Variants in PPP1R11 observed in about 807,000 individuals in gnomAD.
PPP1R11 encodes E3 ubiquitin-protein ligase PPP1R11.
In PPP1R11, 10 loss-of-function variants were observed where a neutral mutation model predicts 11.3. The ratio of observed to expected loss-of-function variants is 0.88; its 90% CI spans 0.55 to 1.50. The LOEUF (loss-of-function observed/expected upper bound fraction) is 1.50. Ranked by LOEUF, PPP1R11 falls within the 40% of genes most tolerant of loss-of-function variation. The probability of loss-of-function intolerance (pLI) is 0.00; values close to 1 mark genes in which losing one functional copy is unlikely to be tolerated. For synonymous variants in PPP1R11, 56 were observed against 62.3 expected (o/e 0.90, Z 0.48); for missense variants, 114 against 179.1 (o/e 0.64, Z 2.07).
upstream of PPP1R11, among the ~76,000 whole-genome samples, chr6:30,065,351 GCAC>G (rs1189394266): frequency 6.6e-6 from 1 of 152,126 alleles, no homozygotes; most frequent in East Asian, 1.9e-4. The surrounding 1 kb of genome is among the most constrained non-coding windows in gnomAD (Gnocchi z 5.3). Flanking sequence ...TAAGATAGCA[GCAC>G]ATTTAAGCCC....
chr6:30,062,420 TC>T, upstream of PPP1R11: 1 of 849,342 alleles, frequency 1.2e-6, no homozygotes, highest in Non-Finnish European at 2.0e-6. Flanking sequence ...AATGGCCGTT[TC>T]CCTTGGTCCC....
intron 1 of PPP1R11, chr6:30,067,763 G>A (rs1019263382): frequency 6.2e-5 from 25 of 403,056 alleles, no homozygotes; most frequent in Non-Finnish European, 6.2e-5. Context: ...GGGAAATTGA[G>A]GATTAAGGAG....
Position 30,069,602 on chromosome 6 carries a change from A to T in PPP1R11, c.*296A>T, listed in dbSNP as rs1013124695. On this transcript the variant is annotated 3_prime_UTR_variant, in exon 3 of 3. Transcript: ENST00000376772. This position sits in a 1 kb window ranked among gnomAD's most constrained non-coding sequence, Gnocchi z 6.6. ...AAACTGCCTGTCCTGGGATCTAGTT[A>T]TCTTGGCCCTGCACTCTCAACATGA... is the stretch of plus-strand genomic sequence containing the variant. 7.8e-6 allele frequency: 3 copies of T among 387,002 alleles called. No homozygotes were observed. Among genetic ancestry groups the T allele is most frequent in the Admixed American group, 8.7e-5 (2 of 23,086 alleles). 24.0% of individuals were successfully genotyped at this position (387,002 alleles called of 1,614,324 possible). A position where few individuals can be genotyped will look rare whatever the true frequency, so the allele number is the denominator to read the frequency against.
chr6:30,068,359 G>A, intron 1 of PPP1R11: 1 of 389,746 alleles, frequency 2.6e-6, no homozygotes, highest in Non-Finnish European at 4.6e-6. Context: ...CCTAGGTTAG[G>A]AATTGTGTCT....
chr6:30,065,752 A>T (rs1175584329), upstream of PPP1R11, among the ~76,000 whole-genome samples: 1 of 152,136 alleles, frequency 6.6e-6, no homozygotes, highest in Non-Finnish European at 1.5e-5. The surrounding 1 kb of genome is among the most constrained non-coding windows in gnomAD (Gnocchi z 5.3). Context: ...GAGATAACCA[A>T]ATTATACTGT....
rs375944037 is a variant in PPP1R11, at chr6:30,069,440, A to G, written c.*134A>G. The stretch of plus-strand genomic sequence containing the variant: ...AAGAGGAGGACGAACAGAGATCCTG[A>G]AATTCTGACTTGCTGCTATTCCAGA... On this transcript the variant is annotated 3_prime_UTR_variant, in exon 3 of 3. Coordinates refer to ENST00000376772, the MANE Select transcript of PPP1R11 (RefSeq NM_021959.3). The surrounding 1 kb of genome is among the most constrained non-coding windows in gnomAD (Gnocchi z 6.6). 272 of 752,594 alleles carry G rather than the reference A, an allele frequency of 3.6e-4. 21 individuals carry two copies. Among genetic ancestry groups the G allele is most frequent in the East Asian group, 1.7e-3 (57 of 34,320 alleles). 46.6% of individuals were successfully genotyped at this position (752,594 alleles called of 1,614,324 possible). A position where few individuals can be genotyped will look rare whatever the true frequency, so the allele number is the denominator to read the frequency against.
At chr6:30,062,153 G>A, upstream of PPP1R11, 2 of 1,463,672 alleles carry the variant, frequency 1.4e-6, no homozygotes, top group Middle Eastern at 1.7e-4. Context: ...TTTGAGAGGC[G>A]TGATCGCCTG....
the PPP1R11 span, chr6:30,061,282 C>T: frequency 4.7e-6 from 2 of 426,276 alleles, no homozygotes; most frequent in East Asian, 3.6e-5. This position sits in a 1 kb window ranked among gnomAD's most constrained non-coding sequence, Gnocchi z 5.0. Context: ...GCGCTCTAGC[C>T]CACGGAGTTG....
At chr6:30,061,878 C>T (rs751515384), upstream of PPP1R11, 1 of 1,604,872 alleles carries the variant, frequency 6.2e-7, no homozygotes, top group African/African-American at 1.3e-5. The surrounding 1 kb of genome is among the most constrained non-coding windows in gnomAD (Gnocchi z 5.0). Flanking sequence ...TCAGCTCTCT[C>T]TGGTTGTCTC....
upstream of PPP1R11, among the ~76,000 whole-genome samples, chr6:30,064,285 A>T: frequency 6.7e-6 from 1 of 150,266 alleles, no homozygotes; most frequent in Non-Finnish European, 1.5e-5. Flanking sequence ...ACTGGTTGTC[A>T]TTTTACCAAA....
the PPP1R11 span, chr6:30,061,485 T>G: frequency 1.7e-5 from 28 of 1,608,204 alleles, no homozygotes; most frequent in Non-Finnish European, 2.4e-5. This position sits in a 1 kb window ranked among gnomAD's most constrained non-coding sequence, Gnocchi z 5.0. Flanking sequence ...CTTCTCTCTT[T>G]TGTTAATAAA....
upstream of PPP1R11, among the ~76,000 whole-genome samples, chr6:30,064,335 T>C (rs976992361): frequency 9.9e-5 from 15 of 152,074 alleles, no homozygotes; most frequent in Non-Finnish European, 1.9e-4. Flanking sequence ...AGATTTTTTT[T>C]CCCAGCGTGT....
upstream of PPP1R11, among the ~76,000 whole-genome samples, chr6:30,066,288 C>T (rs1210293003): frequency 6.6e-6 from 1 of 152,198 alleles, no homozygotes; most frequent in Non-Finnish European, 1.5e-5. Flanking sequence ...CGGTACAAAA[C>T]TCCATTTCCT....
upstream of PPP1R11, chr6:30,062,106 C>A: frequency 6.8e-7 from 1 of 1,468,612 alleles, no homozygotes; most frequent in Non-Finnish European, 9.5e-7. Flanking sequence ...GTTTTGTGCC[C>A]AATTCCAAGA....
chr6:30,061,837 A>C, upstream of PPP1R11: 2 of 1,557,858 alleles, frequency 1.3e-6, no homozygotes, highest in Non-Finnish European at 1.8e-6. This position sits in a 1 kb window ranked among gnomAD's most constrained non-coding sequence, Gnocchi z 5.0. Flanking sequence ...TCCTGGCCTA[A>C]CCAGCCAGGG....
chr6:30,067,148 C>G, upstream of PPP1R11: 1 of 447,168 alleles, frequency 2.2e-6, no homozygotes, highest in East Asian at 3.4e-5. Flanking sequence ...GACGCCTGCG[C>G]TTTGACGCAT....
At position 30,068,654 on chromosome 6, in the gene PPP1R11, G is replaced by C. The variant is rs1259742686; in HGVS notation, c.134G>C (p.Ser45Thr). The C allele has an allele frequency of 2.0e-5, 32 of 1,612,912 alleles. No homozygotes were observed. Among genetic ancestry groups the C allele is most frequent in the Non-Finnish European group, 2.6e-5 (31 of 1,180,010 alleles). Residue 45 changes from serine (S) to threonine (T), a missense_variant, in exon 2 of 3, where the codon AGT becomes ACT. Transcript: ENST00000376772. Reference sequence around the variant, plus strand: ...CCAGAGAAAAAGGTAGAATGGACAAGTGACACTGTGGACAATGAACACATG... The same window carrying C: ...CCAGAGAAAAAGGTAGAATGGACAACTGACACTGTGGACAATGAACACATG... ...RKPEKKVEWT[S>T]DTVDNEHMGR...
chr6:30,068,568 AT>A (rs773559847), intron 1 of PPP1R11, 21 bp from the exon 2 acceptor site: 1 of 1,596,170 alleles, frequency 6.3e-7, no homozygotes, highest in African/African-American at 1.3e-5. Context: ...CTAGATAGGT[AT>A]GCTCATCCTT....
At chr6:30,061,522 C>T in the PPP1R11 span, 1 of 1,612,988 alleles carries the variant, frequency 6.2e-7, no homozygotes, top group Non-Finnish European at 8.5e-7. The surrounding 1 kb of genome is among the most constrained non-coding windows in gnomAD (Gnocchi z 5.0). Flanking sequence ...CAGACCCGAC[C>T]GCATGTCTGT....
Sources: gnomAD v4.1 joint callset for allele counts (sites outside exome capture counted in the v4.1 genomes callset) on GRCh38, gnomAD v4.1.1 for gene constraint, Gnocchi (gnomAD v3.1) non-coding constraint, MANE v1.5 for transcripts, NCBI Gene and HGNC (gene_info 2026-07-23, HGNC 2026-07-21) for gene names.